The following RPLP2 variants were observed in gnomAD, a reference collection of about 807,000 sequenced individuals.
The protein encoded by RPLP2 is ribosomal protein lateral stalk subunit P2, also known as large ribosomal subunit protein P2.
Under a neutral mutation model 11.5 loss-of-function variants are expected in RPLP2, and 1 was observed. The observed-to-expected ratio is 0.09, with a 90% CI of 0.03 to 0.41. RPLP2 has a LOEUF of 0.41. RPLP2 is among the 10% of genes least tolerant of loss of function. The pLI is 0.98. For missense variants in RPLP2, 177 were observed against 145.6 expected (o/e 1.22, Z -1.11); for synonymous variants, 82 against 55.9 (o/e 1.47, Z -2.08).
Position 810,202 on chromosome 11 carries a change from C to G in RPLP2, c.-1-32C>G, listed in dbSNP as rs752327022. The G allele has an allele frequency of 8.8e-6, 13 of 1,476,680 alleles. No individual in the cohort carries two copies. The South Asian group carries it at 1.5e-4, about 17-fold the overall frequency. The allele number at this position is 1,476,680 out of a possible 1,614,324, so 91.5% of individuals were successfully genotyped here. A position where few individuals can be genotyped will look rare whatever the true frequency, so the allele number is the denominator to read the frequency against. ...GGCCGGCAGGAGGCCGCCGGGGTAA[C>G]TCCGCCGTCGCGTCCTCTCCGCCCG... On this transcript the variant is annotated intron_variant, in intron 1 of 4. Transcript: ENST00000321153.
chr11:812,470 C>T, intron 3 of RPLP2, 65 bp from the exon 4 acceptor site: 2 of 1,592,500 alleles, frequency 1.3e-6, no homozygotes, highest in Non-Finnish European at 1.7e-6. Context: ...TGCCATCTAA[C>T]TTCCCTGTGG....
intron 3 of RPLP2, 41 bp from the exon 4 acceptor site, chr11:812,494 G>T (rs1379592145): frequency 6.2e-7 from 1 of 1,602,640 alleles, no homozygotes; most frequent in Non-Finnish European, 8.5e-7. Flanking sequence ...AGCCTCCCAG[G>T]CTGGGCAGCT....
intron 2 of RPLP2, among the ~76,000 whole-genome samples, chr11:810,904 C>A (rs1459519620): frequency 6.7e-6 from 1 of 148,834 alleles, no homozygotes; most frequent in East Asian, 2.0e-4. Flanking sequence ...AAAAAGCAGT[C>A]CTGGCGCATG....
intron 2 of RPLP2, among the ~76,000 whole-genome samples, chr11:810,730 T>C (rs1276647926): frequency 6.7e-6 from 1 of 149,604 alleles, no homozygotes; most frequent in Non-Finnish European, 1.5e-5. Context: ...GAGATGGAGG[T>C]TGCACGGATC....
Position 809,996 on chromosome 11 carries a change from C to T in RPLP2, c.-45C>T, listed in dbSNP as rs1049319474. 14 of 429,512 alleles carry T rather than the reference C, an allele frequency of 3.3e-5. No individual in the cohort carries two copies. The highest frequency in any genetic ancestry group is 5.9e-5 in the South Asian group (1 of 16,860). 26.6% of individuals were successfully genotyped at this position (429,512 alleles called of 1,614,324 possible). On this transcript the variant is annotated 5_prime_UTR_variant, in exon 1 of 5. Coordinates refer to ENST00000321153, the MANE Select transcript of RPLP2 (RefSeq NM_001004.4). ...TTCCTCCCTGTCGCCACCGAGGTCG[C>T]ACGCGTGAGACTTCTCCGCCGCCTC...
In RPLP2 at chr11:812,785, G is replaced by A. The variant is rs530455563; in HGVS notation, c.297G>A (p.Lys99=). The A allele has an allele frequency of 6.2e-7, 1 of 1,613,828 alleles. No homozygotes were observed. Among genetic ancestry groups the A allele is most frequent in the African/African-American group, 1.3e-5 (1 of 75,030 alleles). ...CAGAGGAGAAGAAAGATGAGAAGAA[G>A]GAGGAGTCTGAAGAGTCAGATGATG... ...AAAEEKKDEK[K]EESEESDDDM... is the part of the protein sequence containing the mutation. Residue 99 remains lysine (K), a synonymous_variant, in exon 5 of 5, where the codon AAG becomes AAA. Coordinates refer to ENST00000321153, the MANE Select transcript of RPLP2 (RefSeq NM_001004.4).
In RPLP2 at chr11:812,788, G is replaced by A. The variant is rs376772321; in HGVS notation, c.300G>A (p.Glu100=). Residue 100 remains glutamate, a synonymous_variant, in exon 5 of 5, where the codon GAG becomes GAA. Transcript: ENST00000321153. ...AAEEKKDEKK[E]ESEESDDDMG... ...AGGAGAAGAAAGATGAGAAGAAGGA[G>A]GAGTCTGAAGAGTCAGATGATGACA... 15 of 1,613,802 alleles carry A rather than the reference G, an allele frequency of 9.3e-6. No individual in the cohort carries two copies. The highest frequency in any genetic ancestry group is 1.2e-5 in the Non-Finnish European group (14 of 1,179,952).
rs758525359 is a variant in RPLP2, at chr11:810,329, T to G, written c.95T>G (p.Ile32Ser). ...AAGAAGATCTTGGACAGCGTGGGTA[T>G]CGAGGCGGACGACGACCGGCTCAAC... ...DIKKILDSVG[I>S]EADDDRLNKV... Residue 32 changes from isoleucine (I) to serine (S), a missense_variant, in exon 2 of 5, where the codon ATC becomes AGC. Physicochemically the swap from Ile to Ser is moderately radical, Grantham distance 142. Transcript: ENST00000321153. 3 of 1,608,242 alleles carry G rather than the reference T, an allele frequency of 1.9e-6. No individual in the cohort carries two copies. The highest frequency in any genetic ancestry group is 1.1e-5 in the South Asian group (1 of 90,304).
chr11:811,835 G>A, intron 3 of RPLP2, 190 bp downstream of exon 3: 5 of 798,456 alleles, frequency 6.3e-6, no homozygotes, highest in Non-Finnish European at 9.1e-6. Context: ...GGCAGCAGGG[G>A]GCACCCTGTG....
chr11:810,485 C>G, intron 2 of RPLP2, 128 bp downstream of exon 2: 1 of 948,702 alleles, frequency 1.1e-6, no homozygotes, highest in Admixed American at 3.1e-5. Context: ...TTGGCGATTT[C>G]TTGGATAGAG....
At chr11:810,191 C>T (rs1282255295) in intron 1 of RPLP2, 43 bp from the exon 2 acceptor site, 2 of 1,457,264 alleles carry the variant, frequency 1.4e-6, no homozygotes, top group Middle Eastern at 2.5e-4. Flanking sequence ...GGCAGGAGGC[C>T]GCCGGGGTAA....
At position 811,608 on chromosome 11, in the gene RPLP2, G is replaced by A. The variant is rs754821981; in HGVS notation, c.135G>A (p.Glu45=). The A allele has an allele frequency of 2.0e-5, 32 of 1,614,092 alleles. No individual in the cohort carries two copies. The highest frequency in any genetic ancestry group is 2.7e-5 in the Non-Finnish European group (32 of 1,180,038). ...DDDRLNKVIS[E]LNGKNIEDVI... is the part of the protein sequence containing the mutation. ...ATTGTCTGCTTCAGGTTATCAGTGA[G>A]CTGAATGGAAAAAACATTGAAGACG... The change falls in exon 3 of 5, where the codon GAG becomes GAA. Residue 45 remains glutamate (E), a synonymous_variant. Transcript: ENST00000321153.
intron 2 of RPLP2, among the ~76,000 whole-genome samples, chr11:811,107 G>A (rs566666519): frequency 1.5e-4 from 23 of 151,554 alleles, no homozygotes; most frequent in African/African-American, 3.4e-4. Flanking sequence ...AGCCTTAGAG[G>A]TCAAGGCTGC....
Position 810,344 on chromosome 11 carries a change from A to T in RPLP2, c.110A>T (p.Asp37Val). 1 of 1,607,480 alleles carries T rather than the reference A, an allele frequency of 6.2e-7. No individual in the cohort carries two copies. Among genetic ancestry groups the T allele is most frequent in the East Asian group, 2.3e-5 (1 of 44,184 alleles). ...AGCGTGGGTATCGAGGCGGACGACG[A>T]CCGGCTCAACAAGGTAGCGGCCGCC... is the stretch of plus-strand genomic sequence containing the variant. ...LDSVGIEADD[D>V]RLNKVISELN... Residue 37 changes from aspartate (D) to valine (V), a missense_variant, in exon 2 of 5, where the codon GAC (aspartate) becomes GTC (valine). Asp to Val is a radical substitution (Grantham distance 152). Transcript: ENST00000321153.
At position 812,776 on chromosome 11, in the gene RPLP2, TGAG is replaced by T. The variant is rs1378404413; in HGVS notation, c.289_291del (p.Glu97del). On this transcript the variant is annotated inframe_deletion, in exon 5 of 5. Transcript: ENST00000321153. ...GTTCCACAGCAGAGGAGAAGAAAGA[TGAG>T]AAGAAGGAGGAGTCTGAAGAGTCAG... is the stretch of plus-strand genomic sequence containing the variant. The T allele has an allele frequency of 1.2e-6, 2 of 1,613,750 alleles. No individual in the cohort carries two copies. The highest frequency in any genetic ancestry group is 1.7e-6 in the Non-Finnish European group (2 of 1,179,866).
At chr11:810,471 C>T (rs12289366) in intron 2 of RPLP2, 114 bp downstream of exon 2, 1 of 1,077,592 alleles carries the variant, frequency 9.3e-7, no homozygotes, top group Non-Finnish European at 1.3e-6. Context: ...TCGTTTCAGT[C>T]TAGTTGGCGA....
chr11:812,761 AGAG>A lies in RPLP2; in HGVS notation c.277_279del (p.Glu93del), dbSNP rs752975784. On this transcript the variant is annotated inframe_deletion and splice_region_variant, in exon 5 of 5. Transcript: ENST00000321153. ...CCATGCCTCTCCTCTGTTCCACAGC[AGAG>A]GAGAAGAAAGATGAGAAGAAGGAGG... The A allele has an allele frequency of 6.2e-6, 10 of 1,613,770 alleles. No individual in the cohort carries two copies. The highest frequency in any genetic ancestry group is 1.3e-5 in the African/African-American group (1 of 75,054).
chr11:811,007 CAAAAAAAA>C (rs56150719), intron 2 of RPLP2, among the ~76,000 whole-genome samples: 1 of 90,360 alleles, frequency 1.1e-5, no homozygotes, highest in Non-Finnish European at 2.2e-5. Context: ...CCGGTCTCCA[CAAAAAAAA>C]AAAAAAAAAA....
At chr11:812,511 G>T in intron 3 of RPLP2, 24 bp from the exon 4 acceptor site, 2 of 1,607,808 alleles carry the variant, frequency 1.2e-6, no homozygotes, top group Non-Finnish European at 1.7e-6. Context: ...AGCTGCTCTG[G>T]TCTCACCTCT....
Sources: allele counts gnomAD v4.1 joint callset (sites outside exome capture counted in the v4.1 genomes callset), GRCh38; gene constraint gnomAD v4.1.1; transcripts MANE v1.5; gene names NCBI Gene and HGNC (gene_info 2026-07-23, HGNC 2026-07-21).